PIK3CA: variants seen among roughly 807,000 people sequenced by gnomAD.
The protein encoded by PIK3CA is phosphatidylinositol 4,5-bisphosphate 3-kinase catalytic subunit alpha isoform.
A neutral mutation model predicts 138.2 loss-of-function variants in PIK3CA; 27 were observed. That is an observed-to-expected ratio of 0.20 (90% CI 0.14 to 0.27). PIK3CA has a LOEUF of 0.27. Ranked by LOEUF, PIK3CA falls within the 10% of genes least tolerant of loss-of-function variation. PIK3CA has a pLI of 1.00. For missense variants in PIK3CA, 544 were observed against 1,277.4 expected (o/e 0.43, Z 8.75); for synonymous variants, 358 against 413.2 (o/e 0.87, Z 1.62).
intron 1 of PIK3CA, among the ~76,000 whole-genome samples, chr3:179,152,917 A>G (rs968855436): frequency 6.6e-6 from 1 of 152,182 alleles, no homozygotes; most frequent in Non-Finnish European, 1.5e-5. Context: ...CTATTCACAC[A>G]TATATAATAA....
chr3:179,194,510 C>T (rs1006112943), intron 1 of PIK3CA, among the ~76,000 whole-genome samples: 2 of 152,138 alleles, frequency 1.3e-5, no homozygotes, highest in African/African-American at 4.8e-5. Context: ...TGAGCCACAA[C>T]CCCCAGCCCA....
intron 17 of PIK3CA, among the ~76,000 whole-genome samples, chr3:179,227,545 A>T (rs1471832613): frequency 6.6e-6 from 1 of 152,100 alleles, no homozygotes; most frequent in African/African-American, 2.4e-5. Context: ...GGTTAAAAGA[A>T]TAAGGCCTGT....
chr3:179,154,305 A>T (rs922945610), intron 1 of PIK3CA, among the ~76,000 whole-genome samples: 7 of 152,100 alleles, frequency 4.6e-5, no homozygotes, highest in Non-Finnish European at 1.0e-4. Context: ...GCATTACCAC[A>T]TGTGCTCTGC....
intron 1 of PIK3CA, among the ~76,000 whole-genome samples, chr3:179,171,776 T>C (rs1437814273): frequency 6.6e-6 from 1 of 152,096 alleles, no homozygotes; most frequent in Non-Finnish European, 1.5e-5. Flanking sequence ...ATCTGGGCTT[T>C]AATGGCATAG....
chr3:179,171,371 G>C (rs1483745030), intron 1 of PIK3CA, among the ~76,000 whole-genome samples: 2 of 152,094 alleles, frequency 1.3e-5, no homozygotes, highest in Non-Finnish European at 2.9e-5. Flanking sequence ...AATTATCTAA[G>C]CTACTACCTT....
chr3:179,176,828 A>C (rs1723708601), intron 1 of PIK3CA, among the ~76,000 whole-genome samples: 1 of 152,216 alleles, frequency 6.6e-6, no homozygotes, highest in South Asian at 2.1e-4. Flanking sequence ...CCATATAATA[A>C]GTTCCCAGTA....
chr3:179,229,986 G>C lies in PIK3CA; in HGVS notation c.2667-18G>C, dbSNP rs2108423893. On this transcript the variant is annotated intron_variant, in intron 18 of 20. Transcript: ENST00000263967. ...CACTATATTTCCATACTACTCATGA[G>C]GTGTTTATTCTTTGTAGATATGATG... The C allele has an allele frequency of 3.3e-6, 5 of 1,519,660 alleles. No individual in the cohort carries two copies. Among genetic ancestry groups the C allele is most frequent in the Non-Finnish European group, 4.6e-6 (5 of 1,096,652 alleles). 94.1% of individuals were successfully genotyped at this position (1,519,660 alleles called of 1,614,324 possible).
chr3:179,237,402 A>G lies in PIK3CA; in HGVS notation c.*3038A>G, dbSNP rs1002736821. The G allele has an allele frequency of 2.6e-5, 5 of 195,642 alleles. No individual in the cohort carries two copies. Among genetic ancestry groups the G allele is most frequent in the African/African-American group, 6.9e-5 (3 of 43,260 alleles). The allele number at this position is 195,642 out of a possible 1,614,324, so 12.1% of individuals were successfully genotyped here. A position where few individuals can be genotyped will look rare whatever the true frequency, so the allele number is the denominator to read the frequency against. ...CCATTAGAAAATGGGAACCTGGTGA[A>G]TATATAATGAATTGTAAAATATTTT... On this transcript the variant is annotated 3_prime_UTR_variant, in exon 21 of 21. Transcript: ENST00000263967.
chr3:179,173,099 A>G (rs1478596232), intron 1 of PIK3CA, among the ~76,000 whole-genome samples: 2 of 151,980 alleles, frequency 1.3e-5, no homozygotes, highest in South Asian at 2.1e-4. Context: ...GAAATGTAAC[A>G]TTTATAATAA....
chr3:179,240,084 A>C lies in PIK3CA; in HGVS notation c.*5720A>C, dbSNP rs1725414958. 1 of 1,497,432 alleles carries C rather than the reference A, an allele frequency of 6.7e-7. No individual in the cohort carries two copies. Among genetic ancestry groups the C allele is most frequent in the African/African-American group, 1.4e-5 (1 of 70,882 alleles). 92.8% of individuals were successfully genotyped at this position (1,497,432 alleles called of 1,614,324 possible). On this transcript the variant is annotated 3_prime_UTR_variant, in exon 21 of 21. Coordinates refer to ENST00000263967, the MANE Select transcript of PIK3CA (RefSeq NM_006218.4). ...ATCACGCTGTTTATTAAAAAAAAAAAGAAAAATTACTTTTTGTGTCCAAAC... is the reference window on the plus strand; with the variant it reads ...ATCACGCTGTTTATTAAAAAAAAAACGAAAAATTACTTTTTGTGTCCAAAC...
intron 6 of PIK3CA, among the ~76,000 whole-genome samples, chr3:179,207,301 T>C (rs892231959): frequency 2.6e-5 from 4 of 152,174 alleles, no homozygotes; most frequent in African/African-American, 9.7e-5. Context: ...ACAACCATTT[T>C]CTAGAAATAA....
intron 3 of PIK3CA, 136 bp from the exon 4 acceptor site, chr3:179,201,154 T>C (rs1724400305): frequency 5.7e-6 from 4 of 703,728 alleles, no homozygotes; most frequent in Non-Finnish European, 9.6e-6. Flanking sequence ...CTACCTGATA[T>C]TTACCTAGTT....
In PIK3CA at chr3:179,230,573, G is replaced by C. The variant is rs942723589; in HGVS notation, c.2936+197G>C. On this transcript the variant is annotated intron_variant, in intron 20 of 20. Coordinates refer to ENST00000263967, the MANE Select transcript of PIK3CA (RefSeq NM_006218.4). The surrounding 1 kb of genome is among the most constrained non-coding windows in gnomAD (Gnocchi z 5.4). ...AATTGAAACCAGCCTGGGTAACATA[G>C]AGAGAATTCATGTCTACAAAAAAAT... Among the ~76,000 whole-genome samples, 1 of 152,126 alleles carries C rather than the reference G, an allele frequency of 6.6e-6. No homozygotes were observed. Among genetic ancestry groups the C allele is most frequent in the Non-Finnish European group, 1.5e-5 (1 of 68,016 alleles).
intron 1 of PIK3CA, among the ~76,000 whole-genome samples, chr3:179,180,447 C>T (rs1320510987): frequency 6.6e-6 from 1 of 151,956 alleles, no homozygotes; most frequent in Non-Finnish European, 1.5e-5. Flanking sequence ...GCTTCAGCTG[C>T]TAGTGTCTTA....
intron 4 of PIK3CA, among the ~76,000 whole-genome samples, chr3:179,203,045 A>G (rs893644304): frequency 7.0e-6 from 1 of 143,298 alleles, no homozygotes; most frequent in Admixed American, 7.3e-5. Context: ...GGTTCACGCC[A>G]TTCTCCTGCC....
At chr3:179,153,756 T>C (rs1723066878) in intron 1 of PIK3CA, among the ~76,000 whole-genome samples, 1 of 152,320 alleles carries the variant, frequency 6.6e-6, no homozygotes, top group African/African-American at 2.4e-5. Context: ...CCTTTAAGTT[T>C]ATGTGAAAGT....
chr3:179,233,876 A>T (rs577602414), intron 20 of PIK3CA, among the ~76,000 whole-genome samples: 1 of 152,308 alleles, frequency 6.6e-6, no homozygotes, highest in East Asian at 1.9e-4. Context: ...AGGTGCTGGT[A>T]ATAAAGCAGT....
At chr3:179,189,740 G>T (rs1050903154) in intron 1 of PIK3CA, among the ~76,000 whole-genome samples, 2 of 152,178 alleles carry the variant, frequency 1.3e-5, no homozygotes, top group Admixed American at 6.5e-5. Flanking sequence ...TAATGAAAAT[G>T]AATTGCAGTT....
chr3:179,182,860 A>G (rs923622225), intron 1 of PIK3CA, among the ~76,000 whole-genome samples: 6 of 152,120 alleles, frequency 3.9e-5, no homozygotes, highest in African/African-American at 1.4e-4. Flanking sequence ...GAAAATAAAG[A>G]CCACTTACTA....
Sources: allele counts gnomAD v4.1 joint callset (sites outside exome capture counted in the v4.1 genomes callset), GRCh38; gene constraint gnomAD v4.1.1; non-coding constraint Gnocchi (gnomAD v3.1); transcripts MANE v1.5; gene names NCBI Gene and HGNC (gene_info 2026-07-23, HGNC 2026-07-21).